GRM1: variants seen among roughly 807,000 people sequenced by gnomAD.
GRM1 encodes metabotropic glutamate receptor 1.
A neutral mutation model predicts 90.9 loss-of-function variants in GRM1; 33 were observed. The ratio of observed to expected loss-of-function variants is 0.36; its 90% confidence interval spans 0.28 to 0.49. The LOEUF is 0.49. Ranked by LOEUF, GRM1 falls within the 20% of genes least tolerant of loss-of-function variation. The pLI is 0.99. For synonymous variants in GRM1, 700 were observed against 613.2 expected, an observed-to-expected ratio of 1.14 and a Z score of -2.09; for missense variants, 1,190 against 1,534.3, an observed-to-expected ratio of 0.78 and a Z score of 3.75.
intron 6 of GRM1, among the ~76,000 whole-genome samples, chr6:146,397,965 T>A (rs1777026353): frequency 1.3e-5 from 2 of 152,346 alleles, no homozygotes; most frequent in Middle Eastern, 3.4e-3. Flanking sequence ...ATTACAAAAT[T>A]CTGTGAAGGG....
At chr6:146,126,543 T>G (rs1776206107) in intron 1 of GRM1, among the ~76,000 whole-genome samples, 1 of 152,172 alleles carries the variant, frequency 6.6e-6, no homozygotes, top group African/African-American at 2.4e-5. Flanking sequence ...TTCTTTGAAC[T>G]AAACAATTAT....
chr6:146,184,958 T>A (rs1778676655), intron 2 of GRM1, among the ~76,000 whole-genome samples: 1 of 152,226 alleles, frequency 6.6e-6, no homozygotes, highest in African/African-American at 2.4e-5. Context: ...CCATGTGTGC[T>A]GAAAGGTGGA....
chr6:146,210,589 A>C (rs565763086), intron 2 of GRM1, among the ~76,000 whole-genome samples: 2 of 152,080 alleles, frequency 1.3e-5, no homozygotes, highest in Admixed American at 1.3e-4. Context: ...CAGGGATAGG[A>C]GTTTGAGGTA....
intron 1 of GRM1, among the ~76,000 whole-genome samples, chr6:146,087,288 A>C (rs1776577954): frequency 6.6e-6 from 1 of 152,106 alleles, no homozygotes; most frequent in South Asian, 2.1e-4. Flanking sequence ...TCCAAGAACT[A>C]GTATGAAGAG....
Position 146,398,703 on chromosome 6 carries a change from A to T in GRM1, c.1730-66A>T, listed in dbSNP as rs986130676. 7.5e-6 allele frequency: 8 copies of T among 1,063,918 alleles called. No individual in the cohort carries two copies. In the African/African-American group the frequency reaches 1.1e-4, roughly 14 times the overall value. The allele number at this position is 1,063,918 out of a possible 1,614,324, so 65.9% of individuals were successfully genotyped here. On this transcript the variant is annotated intron_variant, in intron 6 of 7. Coordinates refer to ENST00000282753, the MANE Select transcript of GRM1 (RefSeq NM_001278064.2). ...AAAGATGACTGTGTCTCTGGTAATT[A>T]ATAGGCAAGTTGTTATTCCTAGCAG...
intron 1 of GRM1, among the ~76,000 whole-genome samples, chr6:146,129,073 G>C (rs1776298081): frequency 6.6e-6 from 1 of 152,080 alleles, no homozygotes; most frequent in Non-Finnish European, 1.5e-5. Context: ...ATTTCTAGCA[G>C]TTTAACTTTA....
intron 2 of GRM1, among the ~76,000 whole-genome samples, chr6:146,184,423 G>GT (rs934140385): frequency 6.6e-6 from 1 of 151,878 alleles, no homozygotes; most frequent in South Asian, 2.1e-4. Context: ...TGGCTGATAA[G>GT]TTTTTTCTGT....
At chr6:146,325,627 G>A (rs1020182842) in intron 3 of GRM1, among the ~76,000 whole-genome samples, 18 of 152,190 alleles carry the variant, frequency 1.2e-4, no homozygotes, top group African/African-American at 4.3e-4. Context: ...AAACGGCTAG[G>A]AATCCCACAT....
chr6:146,376,240 C>A (rs915196432), intron 5 of GRM1, among the ~76,000 whole-genome samples: 4 of 152,006 alleles, frequency 2.6e-5, no homozygotes, highest in African/African-American at 9.7e-5. Context: ...TTGACTATGT[C>A]TTGAAAAGTT....
At chr6:146,339,862 G>T (rs1784908044) in intron 3 of GRM1, among the ~76,000 whole-genome samples, 1 of 152,120 alleles carries the variant, frequency 6.6e-6, no homozygotes, top group Admixed American at 6.5e-5. Flanking sequence ...TCTGTAACTT[G>T]TACCACCATA....
At chr6:146,240,289 C>G (rs180917566) in intron 2 of GRM1, among the ~76,000 whole-genome samples, 1 of 151,908 alleles carries the variant, frequency 6.6e-6, no homozygotes, top group Non-Finnish European at 1.5e-5. Flanking sequence ...CTGCAGAATA[C>G]TCATGAGGCA....
intron 3 of GRM1, among the ~76,000 whole-genome samples, chr6:146,329,130 A>G (rs1378809391): frequency 6.6e-6 from 1 of 152,134 alleles, no homozygotes; most frequent in Non-Finnish European, 1.5e-5. Context: ...CTCTTAGATC[A>G]TAGATTCCTT....
intron 2 of GRM1, among the ~76,000 whole-genome samples, chr6:146,253,479 G>A (rs750703410): frequency 7.9e-5 from 12 of 152,170 alleles, no homozygotes; most frequent in African/African-American, 1.4e-4. Flanking sequence ...TTTCTTATTC[G>A]TTAACATTGA....
intron 2 of GRM1, among the ~76,000 whole-genome samples, chr6:146,265,556 T>G (rs1383619479): frequency 1.3e-5 from 2 of 152,206 alleles, no homozygotes; most frequent in African/African-American, 4.8e-5. Context: ...TCTATTTTTG[T>G]TTTTTGTTGC....
At chr6:146,278,968 G>A (rs1417229967) in intron 2 of GRM1, among the ~76,000 whole-genome samples, 1 of 152,126 alleles carries the variant, frequency 6.6e-6, no homozygotes, top group Non-Finnish European at 1.5e-5. Context: ...GCCTCCTAAA[G>A]TGTTGGAATT....
At chr6:146,344,474 C>T (rs1381723143) in intron 3 of GRM1, among the ~76,000 whole-genome samples, 1 of 152,154 alleles carries the variant, frequency 6.6e-6, no homozygotes, top group Non-Finnish European at 1.5e-5. Context: ...AGTCTGGACC[C>T]TGCATTTGTT....
At chr6:146,373,705 T>C (rs1224787762) in intron 5 of GRM1, among the ~76,000 whole-genome samples, 1 of 152,200 alleles carries the variant, frequency 6.6e-6, no homozygotes, top group Admixed American at 6.6e-5. Flanking sequence ...TTTTTGTATG[T>C]TGATTTTGTA....
At chr6:146,246,361 G>A (rs1301804517) in intron 2 of GRM1, among the ~76,000 whole-genome samples, 2 of 152,104 alleles carry the variant, frequency 1.3e-5, no homozygotes, top group Non-Finnish European at 2.9e-5. Context: ...TGCTATGGAG[G>A]GGCAGGGCTC....
At chr6:146,140,094 T>A (rs532230513) in intron 1 of GRM1, among the ~76,000 whole-genome samples, 15 of 72,784 alleles carry the variant, frequency 2.1e-4, no homozygotes, top group Admixed American at 4.6e-4. Flanking sequence ...TTCTTTATTC[T>A]TTCTTTCTTT....
Sources: gnomAD v4.1 joint callset for allele counts (sites outside exome capture counted in the v4.1 genomes callset) on GRCh38, gnomAD v4.1.1 for gene constraint, MANE v1.5 for transcripts, NCBI Gene and HGNC (gene_info 2026-07-23, HGNC 2026-07-21) for gene names.